FHIT: variants seen among roughly 807,000 people sequenced by gnomAD.
FHIT encodes the protein fragile histidine triad diadenosine triphosphatase.
FHIT carries 19 observed loss-of-function variants against 17.9 expected under a neutral mutation model. The observed-to-expected ratio is 1.06, with a 90% CI of 0.74 to 1.56. The LOEUF is 1.56. FHIT is among the 40% of genes most tolerant of loss of function. FHIT has a pLI of 0.00. For missense variants in FHIT, 248 were observed against 189.2 expected, an observed-to-expected ratio of 1.31 and a Z score of -1.82; for synonymous variants, 81 against 69.7, an observed-to-expected ratio of 1.16 and a Z score of -0.81.
At chr3:59,815,651 C>T (rs1158222313) in intron 8 of FHIT, among the ~76,000 whole-genome samples, 2 of 152,082 alleles carry the variant, frequency 1.3e-5, no homozygotes, top group African/African-American at 2.4e-5. Context: ...AAACCGAACA[C>T]TGTATGTCCT....
At chr3:60,178,929 G>T (rs946161341) in intron 5 of FHIT, among the ~76,000 whole-genome samples, 2 of 151,990 alleles carry the variant, frequency 1.3e-5, no homozygotes, top group African/African-American at 2.4e-5. Flanking sequence ...TTTTCCCTTT[G>T]TTCTTTATAT....
intron 3 of FHIT, among the ~76,000 whole-genome samples, chr3:61,020,693 G>C (rs113191406): frequency 0.021 from 3,201 of 152,124 alleles, 72 homozygotes; most frequent in African/African-American, 0.05. Flanking sequence ...ATGTAAACAG[G>C]CTAAATGCCC....
chr3:60,754,236 G>T (rs890965269), intron 4 of FHIT, among the ~76,000 whole-genome samples: 5 of 152,144 alleles, frequency 3.3e-5, no homozygotes, highest in African/African-American at 1.2e-4. Flanking sequence ...TTAGTGAAAG[G>T]CCAGTTAACC....
At chr3:59,925,455 C>T (rs987776618) in intron 7 of FHIT, among the ~76,000 whole-genome samples, 9 of 152,150 alleles carry the variant, frequency 5.9e-5, no homozygotes, top group Non-Finnish European at 1.2e-4. Flanking sequence ...ACTCTGACCA[C>T]TCTCCTTGCG....
At position 60,185,837 on chromosome 3, in the gene FHIT, T is replaced by C. The variant is rs140238362; in HGVS notation, c.104-171685A>G. ...CTCTACATCCTCCCTATTAATGGTA[T>C]TGTCACACACCAGTGGCTGTGTGAT... is the stretch of plus-strand genomic sequence containing the variant. On this transcript the variant is annotated intron_variant, in intron 5 of 9. Coordinates refer to ENST00000492590, the MANE Select transcript of FHIT (RefSeq NM_002012.4). Among the ~76,000 whole-genome samples, 26 of 152,322 alleles carry C rather than the reference T, an allele frequency of 1.7e-4. No individual in the cohort carries two copies. In the East Asian group the frequency reaches 4.4e-3, roughly 26 times the overall value.
chr3:60,452,462 G>C (rs115756591), intron 5 of FHIT, among the ~76,000 whole-genome samples: 167 of 152,212 alleles, frequency 1.1e-3, no homozygotes, highest in African/African-American at 3.9e-3. Context: ...GATTCAACAT[G>C]CATCACCGTT....
chr3:60,944,422 G>A (rs1212753648), intron 3 of FHIT, among the ~76,000 whole-genome samples: 1 of 152,000 alleles, frequency 6.6e-6, no homozygotes, highest in Non-Finnish European at 1.5e-5. Context: ...AACTTTCAGT[G>A]TGTCAGTGAG....
chr3:60,903,882 G>C (rs1266322036), intron 3 of FHIT, among the ~76,000 whole-genome samples: 4 of 152,126 alleles, frequency 2.6e-5, no homozygotes, highest in African/African-American at 9.7e-5. Context: ...ACCCAAAATA[G>C]TACTGTTTCC....
intron 5 of FHIT, among the ~76,000 whole-genome samples, chr3:60,433,809 T>C (rs2029952680): frequency 6.6e-6 from 1 of 152,180 alleles, no homozygotes; most frequent in Non-Finnish European, 1.5e-5. Context: ...ATTCCTTACA[T>C]ATTTTGCATA....
chr3:59,951,824 C>A (rs1009112450), intron 7 of FHIT, among the ~76,000 whole-genome samples: 2 of 152,178 alleles, frequency 1.3e-5, no homozygotes, highest in African/African-American at 4.8e-5. Context: ...CTCTCTCCAG[C>A]CACAGAATTT....
chr3:61,064,032 G>T (rs9860195), intron 2 of FHIT, among the ~76,000 whole-genome samples: 1 of 151,866 alleles, frequency 6.6e-6, no homozygotes, highest in East Asian at 1.9e-4. Context: ...GCAGGTGGTA[G>T]TGTGTCCAGG....
intron 4 of FHIT, among the ~76,000 whole-genome samples, chr3:60,761,575 A>G (rs1699658550): frequency 6.6e-6 from 1 of 152,000 alleles, no homozygotes. Flanking sequence ...GCAATTATCA[A>G]CATAGATGTT....
At chr3:60,122,075 C>T (rs1238460814) in intron 5 of FHIT, among the ~76,000 whole-genome samples, 1 of 150,048 alleles carries the variant, frequency 6.7e-6, no homozygotes, top group Non-Finnish European at 1.5e-5. Flanking sequence ...AGAGAATGCA[C>T]AAAAGTTTTC....
chr3:60,027,143 AC>A (rs1443906111), intron 5 of FHIT, among the ~76,000 whole-genome samples: 2,994 of 134,022 alleles, frequency 0.022, 116 homozygotes, highest in South Asian at 0.04. Flanking sequence ...ACACACACAC[AC>A]ACACAAAATT....
At chr3:60,607,918 T>C (rs1446779745) in intron 4 of FHIT, among the ~76,000 whole-genome samples, 14 of 152,198 alleles carry the variant, frequency 9.2e-5, no homozygotes, top group African/African-American at 2.7e-4. Flanking sequence ...TCTATTCCCT[T>C]TGGCACTTCT....
intron 4 of FHIT, among the ~76,000 whole-genome samples, chr3:60,615,439 T>G (rs1366733205): frequency 6.6e-6 from 1 of 152,192 alleles, no homozygotes; most frequent in Non-Finnish European, 1.5e-5. Context: ...TAATGACCAG[T>G]GCAAACCACC....
chr3:60,213,273 G>T (rs1703540298), intron 5 of FHIT, among the ~76,000 whole-genome samples: 1 of 152,028 alleles, frequency 6.6e-6, no homozygotes. Flanking sequence ...AATTCTGTTT[G>T]TCTCTGATCA....
intron 2 of FHIT, among the ~76,000 whole-genome samples, chr3:61,129,058 C>A (rs929296509): frequency 6.6e-6 from 1 of 152,164 alleles, no homozygotes; most frequent in Admixed American, 6.5e-5. Context: ...TGATGTGCAG[C>A]TCCCTCAAAG....
intron 5 of FHIT, among the ~76,000 whole-genome samples, chr3:60,373,996 G>T (rs532334765): frequency 6.6e-6 from 1 of 152,240 alleles, no homozygotes; most frequent in South Asian, 2.1e-4. Flanking sequence ...TCTGGTTATT[G>T]CAATTACTAC....
Sources: gnomAD v4.1 joint callset for allele counts (sites outside exome capture counted in the v4.1 genomes callset) on GRCh38, gnomAD v4.1.1 for gene constraint, MANE v1.5 for transcripts, NCBI Gene and HGNC (gene_info 2026-07-23, HGNC 2026-07-21) for gene names.